PRICKLE1: variants seen among roughly 807,000 people sequenced by gnomAD.
PRICKLE1 encodes the protein prickle planar cell polarity protein 1.
PRICKLE1 carries 14 observed loss-of-function variants against 70.2 expected under a neutral mutation model. The ratio of observed to expected loss-of-function variants is 0.20; its 90% CI spans 0.13 to 0.31. The LOEUF (loss-of-function observed/expected upper bound fraction) is 0.31. Ranked by LOEUF, PRICKLE1 falls within the 10% of genes least tolerant of loss-of-function variation. The pLI is 1.00. For synonymous variants in PRICKLE1, 357 were observed against 379.9 expected, an observed-to-expected ratio of 0.94 and a Z score of 0.70; for missense variants, 821 against 1,026.2, an observed-to-expected ratio of 0.80 and a Z score of 2.73.
intron 1 of PRICKLE1, among the ~76,000 whole-genome samples, chr12:42,475,377 G>A (rs1029537504): frequency 6.6e-6 from 1 of 152,170 alleles, no homozygotes; most frequent in Non-Finnish European, 1.5e-5. Flanking sequence ...ACGGTAAGTG[G>A]TGTCTCATTT....
rs117818630 is a variant in PRICKLE1 at position 42,473,061 on chromosome 12, G to A, written c.-48-497C>T. Among the ~76,000 whole-genome samples the A allele has an allele frequency of 7.3e-3, 1,116 of 152,264 alleles. 45 individuals are homozygous for A. The East Asian group carries it at 0.091, about 12-fold the overall frequency. On this transcript the variant is annotated intron_variant, in intron 1 of 7. Transcript: ENST00000345127. ...TGAGGCAGTGCTGCCTCCTGAGAGT[G>A]GGTCCACTCAGCCAAACTGCTTAGG...
At chr12:42,472,274 G>T in intron 2 of PRICKLE1, 111 bp downstream of exon 2, 1 of 1,183,408 alleles carries the variant, frequency 8.5e-7, no homozygotes, top group Non-Finnish European at 1.2e-6. Flanking sequence ...GGACTGAGGA[G>T]GGTGGTATTC....
chr12:42,572,524 C>T (rs186184334), intron 1 of PRICKLE1, among the ~76,000 whole-genome samples: 1,541 of 151,886 alleles, frequency 0.01, 8 homozygotes, highest in Non-Finnish European at 0.017. Flanking sequence ...TTTTGAAAAA[C>T]CTGAGAATGG....
At chr12:42,506,241 G>GTTTTTTTTTTTTTTTT (rs774029085) in intron 1 of PRICKLE1, among the ~76,000 whole-genome samples, 1 of 122,098 alleles carries the variant, frequency 8.2e-6, no homozygotes. Flanking sequence ...AGTAAAAAAT[G>GTTTTTTTTTTTTTTTT]TTCTTTTTTC....
At chr12:42,529,251 C>T (rs549246906) in intron 1 of PRICKLE1, among the ~76,000 whole-genome samples, 1 of 152,304 alleles carries the variant, frequency 6.6e-6, no homozygotes, top group South Asian at 2.1e-4. Flanking sequence ...ATTACTCAAA[C>T]ATGTTCCTAT....
chr12:42,514,929 CTATCTATCTATA>C (rs1939580813), intron 1 of PRICKLE1, among the ~76,000 whole-genome samples: 1 of 133,628 alleles, frequency 7.5e-6, no homozygotes. Context: ...ATCTATCTAT[CTATCTATCTATA>C]TTTTTTGAGA....
chr12:42,497,806 T>G (rs1042699096), intron 1 of PRICKLE1, among the ~76,000 whole-genome samples: 2 of 152,108 alleles, frequency 1.3e-5, no homozygotes, highest in African/African-American at 4.8e-5. Context: ...GCAGTATCTG[T>G]GAAGCATGAT....
chr12:42,490,816 C>A (rs989850243), intron 1 of PRICKLE1, among the ~76,000 whole-genome samples: 1 of 152,018 alleles, frequency 6.6e-6, no homozygotes, highest in Admixed American at 6.6e-5. Flanking sequence ...TTTTTCACTG[C>A]CCATGGGAGA....
rs556635128 is a variant in PRICKLE1, at chr12:42,468,376, A to G, written c.588+250T>C. Among the ~76,000 whole-genome samples the G allele has an allele frequency of 2.0e-5, 3 of 152,330 alleles. No individual in the cohort carries two copies. In the South Asian group the frequency reaches 6.2e-4, roughly 32 times the overall value. ...ATAATACTTATCAAAGTACAAAGAC[A>G]TCTGCTTCCCTTTCTATCAGGAAGG... is the stretch of plus-strand genomic sequence containing the variant. On this transcript the variant is annotated intron_variant, in intron 5 of 7. Coordinates refer to ENST00000345127, the MANE Select transcript of PRICKLE1 (RefSeq NM_153026.3).
chr12:42,483,010 T>C (rs1300608053), intron 1 of PRICKLE1: 1 of 152,168 alleles, frequency 6.6e-6, no homozygotes, highest in Non-Finnish European at 1.5e-5. Context: ...CCTCTCTGCG[T>C]CCCCGGCCCC....
chr12:42,519,030 G>C (rs1593151495), intron 1 of PRICKLE1, among the ~76,000 whole-genome samples: 1 of 152,068 alleles, frequency 6.6e-6, no homozygotes, highest in East Asian at 1.9e-4. Context: ...GCAAAGAAGG[G>C]TTACATTACT....
chr12:42,465,590 C>G (rs906125692), intron 6 of PRICKLE1: 10 of 332,276 alleles, frequency 3.0e-5, no homozygotes, highest in African/African-American at 1.9e-4. Flanking sequence ...GACAAGTGTC[C>G]TATTTCTGGT....
intron 1 of PRICKLE1, among the ~76,000 whole-genome samples, chr12:42,476,806 C>T (rs1204282736): frequency 3.3e-5 from 5 of 151,916 alleles, no homozygotes; most frequent in Non-Finnish European, 5.9e-5. Context: ...TGCCACCACA[C>T]CAAAGTTTTT....
At chr12:42,475,888 T>C (rs1008795233) in intron 1 of PRICKLE1, among the ~76,000 whole-genome samples, 3 of 151,008 alleles carry the variant, frequency 2.0e-5, no homozygotes, top group Admixed American at 2.0e-4. Context: ...CCACCTGAGG[T>C]CAGGAGTTCA....
intron 1 of PRICKLE1, among the ~76,000 whole-genome samples, chr12:42,536,476 G>A (rs1018819932): frequency 3.3e-5 from 5 of 152,228 alleles, no homozygotes; most frequent in South Asian, 2.1e-4. Context: ...CCTCTTCAGC[G>A]GAGTTGGACA....
chr12:42,541,341 T>A (rs1940111499), intron 1 of PRICKLE1, among the ~76,000 whole-genome samples: 1 of 150,968 alleles, frequency 6.6e-6, no homozygotes, highest in African/African-American at 2.4e-5. Context: ...ACTCTTCTCT[T>A]TTTTTTTTCT....
In PRICKLE1 at chr12:42,467,106, T is replaced by C. The variant is rs187095274; in HGVS notation, c.589-726A>G. Among the ~76,000 whole-genome samples, 516 of 151,966 alleles carry C rather than the reference T, an allele frequency of 3.4e-3. 4 individuals are homozygous for C. Among genetic ancestry groups the C allele is most frequent in the African/African-American group, 0.012 (494 of 41,440 alleles). ...CATGGGGTCTAGTCTGGTTCTTTTT[T>C]TATTTTTATTTTTATTTTTTATTTT... On this transcript the variant is annotated intron_variant, in intron 5 of 7. Transcript: ENST00000345127.
intron 1 of PRICKLE1, among the ~76,000 whole-genome samples, chr12:42,485,818 A>G (rs1190995411): frequency 6.6e-6 from 1 of 152,154 alleles, no homozygotes. Context: ...GCTTCCTCTA[A>G]CGCAGTTACT....
In PRICKLE1 at chr12:42,464,706, C is replaced by G; in HGVS notation, c.1328G>C (p.Trp443Ser). The G allele has an allele frequency of 6.2e-7, 1 of 1,614,044 alleles. No homozygotes were observed. The highest frequency in any genetic ancestry group is 8.5e-7 in the Non-Finnish European group (1 of 1,180,022). The change falls in exon 7 of 8, where the codon TGG (tryptophan) becomes TCG (serine). Residue 443 changes from tryptophan (W) to serine (S), a missense_variant. Transcript: ENST00000345127. The surrounding 1 kb of genome is among the most constrained non-coding windows in gnomAD (Gnocchi z 4.2). ...NEMDIRASEH[W>S]ISDNMVKSKT... is the part of the protein sequence containing the mutation. ...ACTTTTAACCATGTTATCAGATATC[C>G]AGTGCTCACTGGCTCGAATATCCAT...
Sources: allele counts gnomAD v4.1 joint callset (sites outside exome capture counted in the v4.1 genomes callset), GRCh38; gene constraint gnomAD v4.1.1; non-coding constraint Gnocchi (gnomAD v3.1); transcripts MANE v1.5; gene names NCBI Gene and HGNC (gene_info 2026-07-23, HGNC 2026-07-21).